The following CPSF3 variants were observed in gnomAD, a reference collection of about 807,000 sequenced individuals.
CPSF3 encodes the protein cleavage and polyadenylation specific factor 3.
Under a neutral mutation model 84.1 loss-of-function variants are expected in CPSF3, and 57 were observed. The ratio of observed to expected loss-of-function variants is 0.68; its 90% CI spans 0.55 to 0.85. CPSF3 has a LOEUF of 0.85. Ranked by LOEUF, CPSF3 falls within the 40% of genes least tolerant of loss-of-function variation. The pLI, the probability that CPSF3 is intolerant of heterozygous loss-of-function variation, is 0.00. For synonymous variants in CPSF3, 275 were observed against 278.1 expected (o/e 0.99, Z 0.11); for missense variants, 522 against 838.8 (o/e 0.62, Z 4.66).
Position 9,448,299 on chromosome 2 carries a change from T to C in CPSF3, c.1344T>C (p.Pro448=). The part of the protein sequence containing the change: ...NDEVHIEVHN[P]RNTEAVTLNF... ...AAGTTCACATAGAGGTTCATAATCC[T>C]CGGAATACAGAAGCAGTGACCTTAA... Residue 448 remains proline (P), a synonymous_variant, in exon 11 of 18, where the codon CCT becomes CCC. Transcript: ENST00000238112. 6.2e-7 allele frequency: 1 copy of C among 1,613,586 alleles called. No individual in the cohort carries two copies. Among genetic ancestry groups the C allele is most frequent in the Non-Finnish European group, 8.5e-7 (1 of 1,179,714 alleles).
At chr2:9,462,124 G>T (rs963873462) in intron 15 of CPSF3, among the ~76,000 whole-genome samples, 1 of 152,158 alleles carries the variant, frequency 6.6e-6, no homozygotes, top group African/African-American at 2.4e-5. Flanking sequence ...GTGACGTGGG[G>T]AAGAGGGTTA....
At chr2:9,429,841 G>A (rs901775930) in intron 2 of CPSF3, 82 bp from the exon 3 acceptor site, 175 of 899,474 alleles carry the variant, frequency 1.9e-4, no homozygotes, top group Non-Finnish European at 2.8e-4. Context: ...ATGGGTGATG[G>A]AACTAGAATT....
rs548257903 is a variant in CPSF3 at position 9,452,442 on chromosome 2, A to G, written c.1396-471A>G. Among the ~76,000 whole-genome samples the G allele has an allele frequency of 2.0e-5, 3 of 152,210 alleles. No homozygotes were observed. The South Asian group carries it at 6.2e-4, about 32-fold the overall frequency. On this transcript the variant is annotated intron_variant, in intron 11 of 17. Coordinates refer to ENST00000238112, the MANE Select transcript of CPSF3 (RefSeq NM_016207.4). The stretch of plus-strand genomic sequence containing the variant: ...CCCTCAATGTATGAGCTCACCCATA[A>G]CCTGTTTTTATTGACCTTTTTATTC...
rs1680684096 is a variant in CPSF3, at chr2:9,433,902, A to T, written c.551A>T (p.Glu184Val). 6.2e-7 allele frequency: 1 copy of T among 1,611,480 alleles called. No individual in the cohort carries two copies. Among genetic ancestry groups the T allele is most frequent in the Non-Finnish European group, 8.5e-7 (1 of 1,177,970 alleles). ...TACACTGGTGATTTCTCAAGACAAG[A>T]AGATAGGCACTTAATGGCAGCTGAA... The part of the protein sequence containing the change: ...LLYTGDFSRQ[E>V]DRHLMAAEIP... The change falls in exon 6 of 18, where the codon GAA (glutamate) becomes GTA (valine). Residue 184 changes from glutamate (E) to valine (V), a missense_variant. Transcript: ENST00000238112.
chr2:9,453,047 CCAACTTCACCTTAG>C, intron 12 of CPSF3, 26 bp downstream of exon 12: 1 of 1,378,250 alleles, frequency 7.3e-7, no homozygotes, highest in South Asian at 1.3e-5. Context: ...AATGTCAAAT[CCAACTTCACCTTAG>C]CACTGAAAGA....
intron 2 of CPSF3, 134 bp downstream of exon 2, chr2:9,428,962 T>A (rs995844282): frequency 1.7e-6 from 1 of 580,028 alleles, no homozygotes; most frequent in African/African-American, 1.9e-5. Context: ...CTGTATAGTG[T>A]TAATGAGAAA....
At chr2:9,450,245 A>G (rs1396935575) in intron 11 of CPSF3, among the ~76,000 whole-genome samples, 1 of 148,444 alleles carries the variant, frequency 6.7e-6, no homozygotes, top group Non-Finnish European at 1.5e-5. Flanking sequence ...TCCGCCTCCC[A>G]GGTTCATGGA....
chr2:9,453,167 G>T, intron 12 of CPSF3, 146 bp downstream of exon 12: 1 of 550,604 alleles, frequency 1.8e-6, no homozygotes, highest in Admixed American at 3.7e-5. Context: ...TTAGCTTTGT[G>T]GGGAGAGAAA....
chr2:9,465,430 C>T (rs1342704186), intron 15 of CPSF3, among the ~76,000 whole-genome samples: 1 of 151,278 alleles, frequency 6.6e-6, no homozygotes, highest in Non-Finnish European at 1.5e-5. Context: ...GGCAACAGAG[C>T]GAGACATTGT....
At chr2:9,428,209 G>A (rs1342782444) in intron 1 of CPSF3, among the ~76,000 whole-genome samples, 1 of 150,002 alleles carries the variant, frequency 6.7e-6, no homozygotes, top group Non-Finnish European at 1.5e-5. Flanking sequence ...TGTTAGCCAG[G>A]ATGGGTCTCG....
intron 5 of CPSF3, among the ~76,000 whole-genome samples, chr2:9,433,649 G>A (rs902369397): frequency 6.6e-6 from 1 of 152,116 alleles, no homozygotes; most frequent in Non-Finnish European, 1.5e-5. Flanking sequence ...GATGATACTG[G>A]GAATAGATTA....
intron 15 of CPSF3, among the ~76,000 whole-genome samples, chr2:9,460,371 G>A (rs1681692460): frequency 6.6e-6 from 1 of 152,166 alleles, no homozygotes; most frequent in Non-Finnish European, 1.5e-5. Context: ...AGAGTTTGCA[G>A]TGAGCCGAGA....
At chr2:9,458,779 C>G (rs1429492180) in intron 14 of CPSF3, among the ~76,000 whole-genome samples, 3 of 152,004 alleles carry the variant, frequency 2.0e-5, no homozygotes, top group Non-Finnish European at 4.4e-5. Context: ...GCCAGGGGAT[C>G]TGAGGCTTAG....
chr2:9,464,807 G>C (rs1340946885), intron 15 of CPSF3, among the ~76,000 whole-genome samples: 2 of 152,036 alleles, frequency 1.3e-5, no homozygotes, highest in Non-Finnish European at 2.9e-5. Flanking sequence ...GCCTAGGCTA[G>C]TCTCAAATGC....
At chr2:9,440,048 C>T (rs1680919928) in intron 7 of CPSF3, among the ~76,000 whole-genome samples, 1 of 151,998 alleles carries the variant, frequency 6.6e-6, no homozygotes, top group Non-Finnish European at 1.5e-5. Context: ...TCGGTTAACT[C>T]TTGGCAATTC....
chr2:9,439,250 C>T lies in CPSF3; in HGVS notation c.761-1241C>T, dbSNP rs553132666. ...GCTAGTTAAAATGGTGATAAGTCTT[C>T]GTAAGTTGTTTTGAAAATTAGAAAT... is the stretch of plus-strand genomic sequence containing the variant. On this transcript the variant is annotated intron_variant, in intron 7 of 17. Coordinates refer to ENST00000238112, the MANE Select transcript of CPSF3 (RefSeq NM_016207.4). Among the ~76,000 whole-genome samples the T allele has an allele frequency of 7.9e-5, 12 of 151,822 alleles. No individual in the cohort carries two copies. The East Asian group carries it at 2.3e-3, about 29-fold the overall frequency.
At chr2:9,450,434 C>T (rs897260131) in intron 11 of CPSF3, among the ~76,000 whole-genome samples, 4 of 151,278 alleles carry the variant, frequency 2.6e-5, no homozygotes, top group Middle Eastern at 3.2e-3. Flanking sequence ...GGATTACAGG[C>T]GTGACCCACC....
intron 2 of CPSF3, among the ~76,000 whole-genome samples, chr2:9,429,187 G>A (rs1399959605): frequency 6.6e-6 from 1 of 152,236 alleles, no homozygotes; most frequent in African/African-American, 2.4e-5. Context: ...CCTCCAGCAT[G>A]TGGGGATCAA....
At chr2:9,466,470 G>A (rs1249068180) in intron 15 of CPSF3, among the ~76,000 whole-genome samples, 1 of 152,190 alleles carries the variant, frequency 6.6e-6, no homozygotes, top group Non-Finnish European at 1.5e-5. Context: ...GGTGATGCAT[G>A]CATGTAGTCC....
Sources: allele counts gnomAD v4.1 joint callset (sites outside exome capture counted in the v4.1 genomes callset), GRCh38; gene constraint gnomAD v4.1.1; transcripts MANE v1.5; gene names NCBI Gene and HGNC (gene_info 2026-07-23, HGNC 2026-07-21).